AUTS2: variants seen among roughly 807,000 people sequenced by gnomAD.
The protein encoded by AUTS2 is autism susceptibility gene 2 protein.
Under a neutral mutation model 112.4 loss-of-function variants are expected in AUTS2, and 17 were observed. The observed-to-expected ratio is 0.15, with a 90% CI of 0.10 to 0.23. AUTS2 has a LOEUF of 0.23. Among genes scored for constraint, AUTS2 ranks in the 10% least tolerant of loss-of-function variants. The pLI is 1.00. For missense variants in AUTS2, 1,510 were observed against 1,701.6 expected (o/e 0.89, Z 1.98); for synonymous variants, 751 against 702.7 (o/e 1.07, Z -1.09).
At chr7:69,896,123 T>C (rs1377896980) in intron 1 of AUTS2, among the ~76,000 whole-genome samples, 2 of 152,244 alleles carry the variant, frequency 1.3e-5, no homozygotes, top group Non-Finnish European at 2.9e-5. Flanking sequence ...TGGTTAAATG[T>C]GAGACTAAAC....
Position 70,776,548 on chromosome 7 carries a change from A to T in AUTS2, c.1933-555A>T, listed in dbSNP as rs574173570. The T allele has an allele frequency of 2.2e-4, 34 of 157,254 alleles. No homozygotes were observed. In the South Asian group the frequency reaches 6.7e-3, roughly 31 times the overall value. 9.7% of individuals were successfully genotyped at this position (157,254 alleles called of 1,614,324 possible). On this transcript the variant is annotated intron_variant, in intron 13 of 18. Coordinates refer to ENST00000342771, the MANE Select transcript of AUTS2 (RefSeq NM_015570.4). ...GCCCACCAACACGAATGGGTAGTTG[A>T]CTCTTAGCATTTACGGTAACTGGGC... is the stretch of plus-strand genomic sequence containing the variant.
intron 5 of AUTS2, among the ~76,000 whole-genome samples, chr7:70,585,031 A>G (rs1373517530): frequency 1.3e-5 from 2 of 152,142 alleles, no homozygotes; most frequent in African/African-American, 2.4e-5. Flanking sequence ...TCTGGCTCCT[A>G]TTTACTTACT....
chr7:70,095,699 A>G (rs1388764866), intron 2 of AUTS2, among the ~76,000 whole-genome samples: 1 of 152,186 alleles, frequency 6.6e-6, no homozygotes, highest in Admixed American at 6.5e-5. Flanking sequence ...TAAAATTTTT[A>G]TATTGCCTTT....
At chr7:70,446,405 A>G (rs1285473697) in intron 5 of AUTS2, among the ~76,000 whole-genome samples, 1 of 152,190 alleles carries the variant, frequency 6.6e-6, no homozygotes, top group African/African-American at 2.4e-5. Context: ...TGTGTCACTC[A>G]GCAGTGTGCT....
chr7:70,620,814 GT>G (rs1214842496), intron 5 of AUTS2, among the ~76,000 whole-genome samples: 1 of 152,120 alleles, frequency 6.6e-6, no homozygotes, highest in Non-Finnish European at 1.5e-5. Context: ...TCTTTGTTGT[GT>G]TTTTGTTTTG....
intron 2 of AUTS2, among the ~76,000 whole-genome samples, chr7:69,978,533 T>C (rs1242100400): frequency 6.6e-6 from 1 of 152,096 alleles, no homozygotes. Context: ...GAAAAACCAT[T>C]CTTAGATCAT....
At chr7:69,724,195 TTTTC>T (rs1160283035) in intron 1 of AUTS2, among the ~76,000 whole-genome samples, 45 of 152,292 alleles carry the variant, frequency 3.0e-4, no homozygotes, top group African/African-American at 1.0e-3. Flanking sequence ...GCGAGTCACA[TTTTC>T]TTTCTAACTC....
At chr7:70,532,100 G>T (rs1367362494) in intron 5 of AUTS2, among the ~76,000 whole-genome samples, 1 of 152,170 alleles carries the variant, frequency 6.6e-6, no homozygotes, top group Non-Finnish European at 1.5e-5. Flanking sequence ...CCTTCAGTAG[G>T]CTAACCCAGG....
chr7:70,012,978 A>G (rs1799873647), intron 2 of AUTS2, among the ~76,000 whole-genome samples: 1 of 152,194 alleles, frequency 6.6e-6, no homozygotes, highest in South Asian at 2.1e-4. Flanking sequence ...GAGAAAGAGG[A>G]GGAAAAGAAT....
At chr7:69,705,274 C>T (rs1798015016) in intron 1 of AUTS2, among the ~76,000 whole-genome samples, 1 of 152,162 alleles carries the variant, frequency 6.6e-6, no homozygotes, top group African/African-American at 2.4e-5. Flanking sequence ...GGTCATCGGG[C>T]CTATCTCAAT....
chr7:70,408,613 A>G lies in AUTS2; in HGVS notation c.661-27139A>G, dbSNP rs959181842. Among the ~76,000 whole-genome samples the G allele has an allele frequency of 1.2e-4, 18 of 152,270 alleles. No homozygotes were observed. In the East Asian group the frequency reaches 3.1e-3, roughly 26 times the overall value. The stretch of plus-strand genomic sequence containing the variant: ...GCATACAATCCCTGATAATCATCAC[A>G]CTTTTGCCGACAAAGTACAGCCATA... On this transcript the variant is annotated intron_variant, in intron 4 of 18. Coordinates refer to ENST00000342771, the MANE Select transcript of AUTS2 (RefSeq NM_015570.4).
intron 4 of AUTS2, among the ~76,000 whole-genome samples, chr7:70,331,038 G>A (rs758926619): frequency 6.6e-6 from 1 of 152,092 alleles, no homozygotes; most frequent in Non-Finnish European, 1.5e-5. Context: ...GCCAGGTTTT[G>A]GTATCAGGAT....
In AUTS2 at chr7:70,234,675, C is replaced by T. The variant is rs12672356; in HGVS notation, c.660+100104C>T. On this transcript the variant is annotated intron_variant, in intron 4 of 18. Transcript: ENST00000342771. Reference sequence around the variant, plus strand: ...TGGACCTCTGATTCAACAGCCCACACCCCAATTTGTATTTGGCTATTTGTA... The same window carrying T: ...TGGACCTCTGATTCAACAGCCCACATCCCAATTTGTATTTGGCTATTTGTA... Among the ~76,000 whole-genome samples the T allele has an allele frequency of 1.7e-3, 262 of 152,250 alleles. 6 individuals carry two copies. The East Asian group carries it at 0.046, about 27-fold the overall frequency.
chr7:69,702,823 G>T (rs907526879), intron 1 of AUTS2, among the ~76,000 whole-genome samples: 7 of 152,150 alleles, frequency 4.6e-5, no homozygotes, highest in African/African-American at 1.4e-4. Context: ...TTGCTCTAGT[G>T]CAGAGGCTCT....
intron 1 of AUTS2, among the ~76,000 whole-genome samples, chr7:69,812,943 C>A (rs1790605931): frequency 6.6e-6 from 1 of 152,172 alleles, no homozygotes; most frequent in African/African-American, 2.4e-5. Flanking sequence ...CTTCACTCAG[C>A]AACCAGAGTG....
chr7:70,468,943 C>A (rs1472759260), intron 5 of AUTS2, among the ~76,000 whole-genome samples: 1 of 152,086 alleles, frequency 6.6e-6, no homozygotes, highest in Non-Finnish European at 1.5e-5. Flanking sequence ...TTGAACTGAC[C>A]AAGTTGATGG....
intron 4 of AUTS2, among the ~76,000 whole-genome samples, chr7:70,283,601 A>G (rs559069018): frequency 1.3e-5 from 2 of 152,312 alleles, no homozygotes; most frequent in East Asian, 1.9e-4. Context: ...AAGAGAATAA[A>G]GTATACTTCT....
At chr7:70,313,424 A>C (rs1789848144) in intron 4 of AUTS2, among the ~76,000 whole-genome samples, 1 of 152,206 alleles carries the variant, frequency 6.6e-6, no homozygotes, top group Admixed American at 6.5e-5. Context: ...AAACAAAAAG[A>C]TTCTCCTTGG....
intron 4 of AUTS2, among the ~76,000 whole-genome samples, chr7:70,245,640 T>A (rs1488619150): frequency 6.6e-6 from 1 of 152,162 alleles, no homozygotes; most frequent in African/African-American, 2.4e-5. Flanking sequence ...TACATATACC[T>A]TGTATTGATG....
Sources: gnomAD v4.1 joint callset for allele counts (sites outside exome capture counted in the v4.1 genomes callset) on GRCh38, gnomAD v4.1.1 for gene constraint, MANE v1.5 for transcripts, NCBI Gene and HGNC (gene_info 2026-07-23, HGNC 2026-07-21) for gene names.